NOVA1: variants seen among roughly 807,000 people sequenced by gnomAD.
The protein encoded by NOVA1 is RNA-binding protein Nova-1.
Under a neutral mutation model 38.0 loss-of-function variants are expected in NOVA1, and 7 were observed. That is an observed-to-expected ratio of 0.18 (90% confidence interval 0.10 to 0.35). NOVA1 has a LOEUF of 0.35. Among genes scored for constraint, NOVA1 ranks in the 10% least tolerant of loss-of-function variants. The pLI is 1.00. For synonymous variants in NOVA1, 270 were observed against 232.5 expected, an observed-to-expected ratio of 1.16 and a Z score of -1.47; for missense variants, 460 against 616.0, an observed-to-expected ratio of 0.75 and a Z score of 2.68.
chr14:26,539,674 A>G (rs1426911022), intron 2 of NOVA1, among the ~76,000 whole-genome samples: 1 of 152,176 alleles, frequency 6.6e-6, no homozygotes, highest in African/African-American at 2.4e-5. Context: ...ATAGACTGAA[A>G]TAATATTTTT....
chr14:26,488,291 A>G (rs1886076655), intron 2 of NOVA1, among the ~76,000 whole-genome samples: 1 of 152,208 alleles, frequency 6.6e-6, no homozygotes, highest in African/African-American at 2.4e-5. Context: ...TATATTTTTC[A>G]GAAAAATCTA....
intron 4 of NOVA1, chr14:26,470,597 T>C (rs1884512509): frequency 5.1e-6 from 4 of 789,762 alleles, no homozygotes; most frequent in Non-Finnish European, 6.4e-6. Context: ...TAGCAAAATT[T>C]AGATTTGGCA....
At chr14:26,513,516 G>A (rs10131143) in intron 2 of NOVA1, among the ~76,000 whole-genome samples, 3,225 of 151,758 alleles carry the variant, frequency 0.021, 107 homozygotes, top group African/African-American at 0.074. Context: ...CTGCTGTCAT[G>A]GAAACAGTTG....
In NOVA1 at chr14:26,443,486, G is replaced by C. The variant is rs929286826; in HGVS notation, c.*4473C>G. The C allele has an allele frequency of 6.6e-6, 1 of 151,840 alleles. No individual in the cohort carries two copies. Among genetic ancestry groups the C allele is most frequent in the Non-Finnish European group, 1.5e-5 (1 of 67,842 alleles). The allele number at this position is 151,840 out of a possible 1,614,324, so 9.4% of individuals were successfully genotyped here. On this transcript the variant is annotated 3_prime_UTR_variant, in exon 5 of 5. Transcript: ENST00000539517. ...ATATAGACCAGTGGAATGACATCCTGTCTAGTACTATACCTCAATATTTTT... is the reference window on the plus strand; with the variant it reads ...ATATAGACCAGTGGAATGACATCCTCTCTAGTACTATACCTCAATATTTTT...
intron 2 of NOVA1, among the ~76,000 whole-genome samples, chr14:26,544,586 T>C (rs1334636249): frequency 6.6e-6 from 1 of 152,030 alleles, no homozygotes; most frequent in Non-Finnish European, 1.5e-5. Context: ...AGACATTTTA[T>C]ATTGGAGGAG....
chr14:26,472,335 G>T lies in NOVA1; in HGVS notation c.504C>A (p.Thr168=). Residue 168 remains threonine, a synonymous_variant, in exon 4 of 5, where the codon ACC becomes ACA. Coordinates refer to ENST00000539517, the MANE Select transcript of NOVA1 (RefSeq NM_002515.3). The part of the protein sequence containing the change: ...TKSSPSDPMT[T]SRANQVKIIV... ...GATACTGTACCTGATTAGCTCTGGA[G>T]GTGGTCATGGGATCAGATGGAGAGG... The T allele has an allele frequency of 6.3e-7, 1 of 1,595,890 alleles. No homozygotes were observed.
chr14:26,534,010 G>C (rs548502518), intron 2 of NOVA1, among the ~76,000 whole-genome samples: 3 of 152,226 alleles, frequency 2.0e-5, no homozygotes, highest in Admixed American at 6.5e-5. Context: ...GCTACAAAAA[G>C]TATTCAATAC....
chr14:26,517,142 T>C (rs1226137481), intron 2 of NOVA1, among the ~76,000 whole-genome samples: 1 of 152,212 alleles, frequency 6.6e-6, no homozygotes. Flanking sequence ...CCTGACCTTG[T>C]GATCCGCCTG....
intron 2 of NOVA1, among the ~76,000 whole-genome samples, chr14:26,486,180 A>C (rs1594381370): frequency 6.6e-6 from 1 of 152,280 alleles, no homozygotes; most frequent in East Asian, 1.9e-4. Flanking sequence ...AATACATTTA[A>C]ATTTCCTTGC....
intron 4 of NOVA1, among the ~76,000 whole-genome samples, chr14:26,465,804 T>G (rs892809885): frequency 6.6e-6 from 1 of 152,152 alleles, no homozygotes; most frequent in African/African-American, 2.4e-5. Context: ...AGGCTAGTGC[T>G]TCACATACAT....
intron 2 of NOVA1, among the ~76,000 whole-genome samples, chr14:26,535,965 C>T (rs1890053854): frequency 7.2e-6 from 1 of 138,906 alleles, no homozygotes; most frequent in Non-Finnish European, 1.5e-5. Context: ...GGCAACAAAG[C>T]GAGACTCCGT....
At chr14:26,551,105 A>G (rs1197794585) in intron 2 of NOVA1, among the ~76,000 whole-genome samples, 3 of 152,016 alleles carry the variant, frequency 2.0e-5, no homozygotes, top group Admixed American at 2.0e-4. Context: ...TTTTCAGGGG[A>G]AATGGGCCAT....
At chr14:26,540,352 T>C (rs1225796038) in intron 2 of NOVA1, among the ~76,000 whole-genome samples, 3 of 152,192 alleles carry the variant, frequency 2.0e-5, no homozygotes, top group Admixed American at 2.0e-4. Flanking sequence ...TGCCTGATGA[T>C]CTGAGGTGGA....
At chr14:26,470,075 T>C (rs1884463201) in intron 4 of NOVA1, 2 of 464,622 alleles carry the variant, frequency 4.3e-6, no homozygotes, top group African/African-American at 4.1e-5. Context: ...TAATAAAAAG[T>C]ATTTTTAAAT....
chr14:26,595,456 T>C lies in NOVA1; in HGVS notation c.234A>G (p.Glu78=). 1 of 1,613,994 alleles carries C rather than the reference T, an allele frequency of 6.2e-7. No homozygotes were observed. The highest frequency in any genetic ancestry group is 8.5e-7 in the Non-Finnish European group (1 of 1,179,900). ...TAGACAGCTTGATGGTGGCTCCAGTTTCTTTTTGCAACTGAACAATTGTCT... is the reference window on the plus strand; with the variant it reads ...TAGACAGCTTGATGGTGGCTCCAGTCTCTTTTTGCAACTGAACAATTGTCT... The part of the protein sequence containing the change: ...GGQTIVQLQK[E]TGATIKLSKS... The change falls in exon 2 of 5, where the codon GAA becomes GAG. Residue 78 remains glutamate (E), a synonymous_variant. Coordinates refer to ENST00000539517, the MANE Select transcript of NOVA1 (RefSeq NM_002515.3).
At chr14:26,503,595 C>T (rs1040230254) in intron 2 of NOVA1, among the ~76,000 whole-genome samples, 1 of 151,748 alleles carries the variant, frequency 6.6e-6, no homozygotes, top group Non-Finnish European at 1.5e-5. Context: ...CAATTAAGTA[C>T]CAAACGTTTT....
chr14:26,529,046 A>C (rs1328322079), intron 2 of NOVA1, among the ~76,000 whole-genome samples: 1 of 151,842 alleles, frequency 6.6e-6, no homozygotes, highest in Non-Finnish European at 1.5e-5. Flanking sequence ...CAACAAGTAC[A>C]CCCGATCACC....
At chr14:26,553,093 A>G (rs1594522026) in intron 2 of NOVA1, among the ~76,000 whole-genome samples, 1 of 152,212 alleles carries the variant, frequency 6.6e-6, no homozygotes, top group Non-Finnish European at 1.5e-5. Context: ...CAGCAGCTGT[A>G]GTGGAATGAA....
At chr14:26,515,379 T>C (rs918335542) in intron 2 of NOVA1, among the ~76,000 whole-genome samples, 17 of 152,044 alleles carry the variant, frequency 1.1e-4, no homozygotes, top group African/African-American at 3.9e-4. Context: ...ACTTATTATA[T>C]GTGCATTACT....
Sources: allele counts gnomAD v4.1 joint callset (sites outside exome capture counted in the v4.1 genomes callset), GRCh38; gene constraint gnomAD v4.1.1; transcripts MANE v1.5; gene names NCBI Gene and HGNC (gene_info 2026-07-23, HGNC 2026-07-21).